CLIP1: variants seen among roughly 807,000 people sequenced by gnomAD.
CLIP1 encodes CAP-Gly domain containing linker protein 1.
A neutral mutation model predicts 161.6 loss-of-function variants in CLIP1; 66 were observed. The observed-to-expected ratio is 0.41, with a 90% CI of 0.33 to 0.50. The LOEUF (loss-of-function observed/expected upper bound fraction) is 0.50. CLIP1 is among the 20% of genes least tolerant of loss of function. The pLI is 0.27. For synonymous variants in CLIP1, 598 were observed against 626.2 expected (o/e 0.96, Z 0.67); for missense variants, 1,376 against 1,702.0 (o/e 0.81, Z 3.37).
rs1007118238 is a variant in CLIP1 at position 122,284,274 on chromosome 12, A to C, written c.3647+4215T>G. 7.9e-5 allele frequency among the ~76,000 whole-genome samples: 12 copies of C among 152,172 alleles called. 1 individual carries two copies. The highest frequency in any genetic ancestry group is 1.5e-4 in the Non-Finnish European group (10 of 68,020). On this transcript the variant is annotated intron_variant, in intron 21 of 25. Transcript: ENST00000620786. ...AAATTAAGAGTGATTTTCAAGAGACATCCTCCTAAACATTGAGGACATAAA... is the reference window on the plus strand; with the variant it reads ...AAATTAAGAGTGATTTTCAAGAGACCTCCTCCTAAACATTGAGGACATAAA...
intron 18 of CLIP1, among the ~76,000 whole-genome samples, chr12:122,317,127 T>C (rs190793872): frequency 1.6e-4 from 24 of 152,336 alleles, no homozygotes; most frequent in East Asian, 9.6e-4. Context: ...TTCTTTTATC[T>C]TGTGTACAAT....
At chr12:122,343,238 A>G (rs537326214) in intron 10 of CLIP1, 2 of 150,058 alleles carry the variant, frequency 1.3e-5, no homozygotes, top group South Asian at 4.2e-4. Flanking sequence ...GGTTCAAGCG[A>G]TTCTCCTGCC....
intron 6 of CLIP1, 147 bp downstream of exon 6, chr12:122,354,968 G>T: frequency 1.4e-6 from 1 of 707,542 alleles, no homozygotes; most frequent in Non-Finnish European, 2.4e-6. Flanking sequence ...CCAGACTGTA[G>T]CTTTCAAACA....
At chr12:122,371,986 T>G (rs546909266) in intron 3 of CLIP1, among the ~76,000 whole-genome samples, 2 of 150,870 alleles carry the variant, frequency 1.3e-5, no homozygotes, top group Non-Finnish European at 3.0e-5. Flanking sequence ...AACTGAAAAA[T>G]GAAAAAAAAA....
rs2136312395 is a variant in CLIP1, at chr12:122,290,792, C to G, written c.3595-2251G>C. On this transcript the variant is annotated intron_variant, in intron 20 of 25. Coordinates refer to ENST00000620786, the MANE Select transcript of CLIP1 (RefSeq NM_001247997.2). Reference sequence around the variant, plus strand: ...ATAGAAAACAATGTTTTTTCTTCTTCTGGTCCAGGATTATTACCCAATCTA... The same window carrying G: ...ATAGAAAACAATGTTTTTTCTTCTTGTGGTCCAGGATTATTACCCAATCTA... Among the ~76,000 whole-genome samples the G allele has an allele frequency of 2.6e-5, 4 of 152,076 alleles. No individual in the cohort carries two copies. The Middle Eastern group carries it at 0.014, about 517-fold the overall frequency.
At chr12:122,303,171 A>G (rs12825149) in intron 20 of CLIP1, among the ~76,000 whole-genome samples, 35,226 of 152,074 alleles carry the variant, frequency 0.23, 5,088 homozygotes, top group East Asian at 0.62. Flanking sequence ...TCATTTTATC[A>G]TCTTCTCTTT....
rs1354042774 is a variant in CLIP1 at position 122,338,543 on chromosome 12, CCTCT to C, written c.2452-1799_2452-1796del. 7.9e-5 allele frequency among the ~76,000 whole-genome samples: 12 copies of C among 151,900 alleles called. No individual in the cohort carries two copies. In the East Asian group the frequency reaches 1.4e-3, roughly 17 times the overall value. ...ACCACCCTGGCCAACATGGTGAAAC[CCTCT>C]CTCTATTAAAAATACAAAAATGAGC... is the stretch of plus-strand genomic sequence containing the variant. On this transcript the variant is annotated intron_variant, in intron 11 of 25. Coordinates refer to ENST00000620786, the MANE Select transcript of CLIP1 (RefSeq NM_001247997.2).
intron 1 of CLIP1, among the ~76,000 whole-genome samples, chr12:122,421,409 C>T (rs1281838472): frequency 6.6e-6 from 1 of 151,978 alleles, no homozygotes; most frequent in South Asian, 2.1e-4. Context: ...ACAGTAGTGA[C>T]ACAAATCAAA....
At chr12:122,310,364 C>A (rs1951019653) in intron 19 of CLIP1, among the ~76,000 whole-genome samples, 1 of 152,212 alleles carries the variant, frequency 6.6e-6, no homozygotes, top group Non-Finnish European at 1.5e-5. Context: ...TTACCAGTAT[C>A]TGTCAGAGTC....
In CLIP1 at chr12:122,272,147, G is replaced by T. The variant is rs1955206964; in HGVS notation, c.*728C>A. The T allele has an allele frequency of 6.6e-6, 1 of 152,166 alleles. No individual in the cohort carries two copies. Among genetic ancestry groups the T allele is most frequent in the African/African-American group, 2.4e-5 (1 of 41,390 alleles). 9.4% of individuals were successfully genotyped at this position (152,166 alleles called of 1,614,324 possible). The stretch of plus-strand genomic sequence containing the variant: ...GTGTATGTTTTTTTCCCAAAATATA[G>T]ATTTTTAAAAAATATATACATACAA... On this transcript the variant is annotated 3_prime_UTR_variant, in exon 26 of 26. Coordinates refer to ENST00000620786, the MANE Select transcript of CLIP1 (RefSeq NM_001247997.2).
At position 122,418,020 on chromosome 12, in the gene CLIP1, T is replaced by C. The variant is rs1431371007; in HGVS notation, c.-107+4501A>G. The stretch of plus-strand genomic sequence containing the variant: ...GCTGCCCTATGTAAAATTTCCATTC[T>C]TCTAACTCTTACCCCTAGTACTTTA... On this transcript the variant is annotated intron_variant, in intron 1 of 25. Transcript: ENST00000620786. Among the ~76,000 whole-genome samples the C allele has an allele frequency of 2.0e-5, 3 of 152,116 alleles. No homozygotes were observed. The East Asian group carries it at 5.8e-4, about 29-fold the overall frequency.
At chr12:122,378,782 G>C (rs1328701959) in intron 2 of CLIP1, among the ~76,000 whole-genome samples, 1 of 152,050 alleles carries the variant, frequency 6.6e-6, no homozygotes, top group Non-Finnish European at 1.5e-5. Context: ...ATCATTTGAG[G>C]TCTGGAGTTT....
chr12:122,356,599 CCTCTCCCT>C (rs996142648), intron 5 of CLIP1, among the ~76,000 whole-genome samples: 9 of 150,528 alleles, frequency 6.0e-5, no homozygotes, highest in African/African-American at 2.2e-4. Context: ...GAATTGGGTC[CCTCTCCCT>C]CTCTCCCTCT....
At chr12:122,325,787 GGGACTACAGGT>G (rs1263015881) in intron 17 of CLIP1, among the ~76,000 whole-genome samples, 1 of 152,160 alleles carries the variant, frequency 6.6e-6, no homozygotes, top group East Asian at 1.9e-4. Context: ...CTGAGTAGCT[GGGACTACAGGT>G]GTGTGCCACC....
intron 3 of CLIP1, among the ~76,000 whole-genome samples, chr12:122,373,514 G>GT (rs1156987748): frequency 6.7e-6 from 1 of 149,832 alleles, no homozygotes; most frequent in Non-Finnish European, 1.5e-5. Flanking sequence ...AAAAGCACCA[G>GT]TAAGACTGAA....
At chr12:122,282,472 A>G (rs1955685347) in intron 21 of CLIP1, among the ~76,000 whole-genome samples, 1 of 152,156 alleles carries the variant, frequency 6.6e-6, no homozygotes, top group African/African-American at 2.4e-5. Flanking sequence ...TTTCCTTACT[A>G]CTTATATAAG....
intron 11 of CLIP1, 58 bp downstream of exon 11, chr12:122,340,695 T>C: frequency 7.2e-7 from 1 of 1,386,444 alleles, no homozygotes; most frequent in South Asian, 1.4e-5. Flanking sequence ...AAAAGTAACA[T>C]AATGCAAAAC....
At position 122,334,678 on chromosome 12, in the gene CLIP1, C is replaced by T. The variant is rs1449680570; in HGVS notation, c.2596G>A (p.Glu866Lys). ...ATACTTCTCTGAACAGAGACTGCCT[C>T]CTCTGAAGCTTCAGCAAACTTTTCT... ...LKEKFAEASEEAVSVQRSMQE... is the reference protein window; with the variant it reads ...LKEKFAEASEKAVSVQRSMQE... The change falls in exon 13 of 26, where the codon GAG (glutamate) becomes AAG (lysine). Residue 866 changes from glutamate to lysine, a missense_variant. Coordinates refer to ENST00000620786, the MANE Select transcript of CLIP1 (RefSeq NM_001247997.2). The T allele has an allele frequency of 3.8e-6, 6 of 1,587,762 alleles. No individual in the cohort carries two copies. In the Admixed American group the frequency reaches 7.0e-5, roughly 19 times the overall value.
At chr12:122,292,317 A>T (rs1265411285) in intron 20 of CLIP1, among the ~76,000 whole-genome samples, 1 of 151,896 alleles carries the variant, frequency 6.6e-6, no homozygotes, top group Non-Finnish European at 1.5e-5. Flanking sequence ...TTTATTTATT[A>T]ATACCTGTTT....
Sources: allele counts gnomAD v4.1 joint callset (sites outside exome capture counted in the v4.1 genomes callset), GRCh38; gene constraint gnomAD v4.1.1; transcripts MANE v1.5; gene names NCBI Gene and HGNC (gene_info 2026-07-23, HGNC 2026-07-21).